The following WNK1 variants were observed in gnomAD, a reference collection of about 807,000 sequenced individuals.
WNK1 encodes WNK lysine deficient protein kinase 1, also known as serine/threonine-protein kinase WNK1.
WNK1 carries 38 observed loss-of-function variants against 222.8 expected under a neutral mutation model. The ratio of observed to expected loss-of-function variants is 0.17; its 90% confidence interval spans 0.13 to 0.22. The LOEUF (loss-of-function observed/expected upper bound fraction) is 0.22, where lower values mean the gene tolerates loss of function less well. Among genes scored for constraint, WNK1 ranks in the 10% least tolerant of loss-of-function variants. The pLI, the probability that WNK1 is intolerant of heterozygous loss-of-function variation, is 1.00. For synonymous variants in WNK1, 1,090 were observed against 1,092.9 expected, an observed-to-expected ratio of 1.00 and a Z score of 0.05; for missense variants, 2,348 against 2,918.4, an observed-to-expected ratio of 0.80 and a Z score of 4.50.
intron 2 of WNK1, among the ~76,000 whole-genome samples, chr12:820,154 G>T (rs1947721787): frequency 6.6e-6 from 1 of 152,124 alleles, no homozygotes; most frequent in Non-Finnish European, 1.5e-5. Context: ...ATTTTGTATA[G>T]TATCACCATC....
rs895488836 is a variant in WNK1, at chr12:753,149, C to T, written c.-417C>T. Reference sequence around the variant, plus strand: ...CCCTCTGGGCCTAGCCCGCCCAGCTCGGCGAGCGGCGGCAGTGGGAGCCGC... The same window carrying T: ...CCCTCTGGGCCTAGCCCGCCCAGCTTGGCGAGCGGCGGCAGTGGGAGCCGC... On this transcript the variant is annotated 5_prime_UTR_variant, in exon 1 of 28. Transcript: ENST00000315939. The surrounding 1 kb of genome is among the most constrained non-coding windows in gnomAD (Gnocchi z 5.2). 5 of 157,886 alleles carry T rather than the reference C, an allele frequency of 3.2e-5. No individual in the cohort carries two copies. The highest frequency in any genetic ancestry group is 1.2e-4 in the African/African-American group (5 of 41,470). 9.8% of individuals were successfully genotyped at this position (157,886 alleles called of 1,614,324 possible).
At chr12:851,644 A>AT (rs1332722025) in intron 4 of WNK1, 1 of 1,293,174 alleles carries the variant, frequency 7.7e-7, no homozygotes, top group East Asian at 5.2e-5. Context: ...CATCAGAGAC[A>AT]TTTTTTCCTT....
chr12:869,154 T>A, intron 8 of WNK1: 1 of 1,599,016 alleles, frequency 6.3e-7, no homozygotes, highest in Non-Finnish European at 8.6e-7. Context: ...CTTTGCACCA[T>A]AACATTTAAA....
At chr12:797,831 C>T (rs1308141639) in intron 1 of WNK1, among the ~76,000 whole-genome samples, 1 of 151,658 alleles carries the variant, frequency 6.6e-6, no homozygotes, top group African/African-American at 2.4e-5. Context: ...CGCCTGTAAT[C>T]TCAGCTACTC....
At chr12:786,158 A>G (rs1486896196) in intron 1 of WNK1, among the ~76,000 whole-genome samples, 1 of 152,168 alleles carries the variant, frequency 6.6e-6, no homozygotes, top group African/African-American at 2.4e-5. Context: ...TGTTAATTGT[A>G]TTGCTTAAAT....
chr12:758,269 C>G (rs529550546), intron 1 of WNK1, among the ~76,000 whole-genome samples: 9 of 143,584 alleles, frequency 6.3e-5, no homozygotes, highest in African/African-American at 2.0e-4. Flanking sequence ...GACTGTGTGT[C>G]ATGAGTACAT....
intron 1 of WNK1, among the ~76,000 whole-genome samples, chr12:810,930 C>T (rs1453637505): frequency 1.3e-5 from 2 of 152,042 alleles, no homozygotes; most frequent in South Asian, 2.1e-4. Context: ...TCATGTGACA[C>T]GGATCCTTGG....
chr12:869,315 T>A, intron 8 of WNK1: 1 of 659,950 alleles, frequency 1.5e-6, no homozygotes, highest in African/African-American at 1.8e-5. Flanking sequence ...ACCTATTATA[T>A]GTGAAAACCA....
At chr12:815,059 G>T (rs974806309) in intron 2 of WNK1, among the ~76,000 whole-genome samples, 3 of 152,170 alleles carry the variant, frequency 2.0e-5, no homozygotes, top group African/African-American at 7.2e-5. Flanking sequence ...AGCTCAGGTG[G>T]TAATGCGAGC....
rs1240505632 is a variant in WNK1 at position 881,754 on chromosome 12, T to TGTG, written c.3174_3175insGTG (p.Ala1058_Thr1059insVal). The TGTG allele has an allele frequency of 6.2e-7, 1 of 1,614,246 alleles. No homozygotes were observed. The highest frequency in any genetic ancestry group is 8.5e-7 in the Non-Finnish European group (1 of 1,180,046). On this transcript the variant is annotated inframe_insertion, in exon 13 of 28. Transcript: ENST00000315939. ...CAGTTGCAGTAGCACAGACCCAAGCTACCCAGCCGACCACTTTGGCTTCCT... is the reference window on the plus strand; with the variant it reads ...CAGTTGCAGTAGCACAGACCCAAGCTGTGACCCAGCCGACCACTTTGGCTTCCT...
Position 909,479 on chromosome 12 carries a change from A to T in WNK1, c.*687A>T, listed in dbSNP as rs1955945716. On this transcript the variant is annotated 3_prime_UTR_variant, in exon 28 of 28. Transcript: ENST00000315939. ...AGTTTTGATGTGGAAACACTGTGAT[A>T]TATAAAATGTTGTTGGACAACAGTA... 6.6e-6 allele frequency: 1 copy of T among 152,278 alleles called. No individual in the cohort carries two copies. Among genetic ancestry groups the T allele is most frequent in the Admixed American group, 6.5e-5 (1 of 15,278 alleles). The allele number at this position is 152,278 out of a possible 1,614,324, so 9.4% of individuals were successfully genotyped here.
At chr12:832,050 T>C (rs1948835945) in intron 4 of WNK1, among the ~76,000 whole-genome samples, 4 of 152,116 alleles carry the variant, frequency 2.6e-5, no homozygotes, top group South Asian at 4.1e-4. Context: ...CTGAACAGAA[T>C]GGAAATGTTT....
At chr12:889,324 G>A in intron 21 of WNK1, 101 bp downstream of exon 21, 1 of 997,258 alleles carries the variant, frequency 1.0e-6, no homozygotes, top group Non-Finnish European at 1.6e-6. Flanking sequence ...CCTTTAACAT[G>A]TATTCAGAGT....
intron 4 of WNK1, among the ~76,000 whole-genome samples, chr12:846,547 A>G (rs949360740): frequency 3.9e-5 from 6 of 152,184 alleles, no homozygotes; most frequent in East Asian, 1.9e-4. Context: ...TTGTTTTCCA[A>G]TGGGATCATA....
rs578185019 is a variant in WNK1, at chr12:759,856, G to C, written c.759+5532G>C. ...TAAAAAAGAGTACCCATTTTATAGA[G>C]TTGTGCTGATTAAATGAATGAACAT... On this transcript the variant is annotated intron_variant, in intron 1 of 27. Coordinates refer to ENST00000315939, the MANE Select transcript of WNK1 (RefSeq NM_018979.4). Among the ~76,000 whole-genome samples the C allele has an allele frequency of 2.7e-5, 4 of 148,114 alleles. 1 individual carries two copies. In the South Asian group the frequency reaches 8.8e-4, roughly 33 times the overall value.
At chr12:879,513 C>G in intron 10 of WNK1, 60 bp from the exon 11 acceptor site, 6 of 403,340 alleles carry the variant, frequency 1.5e-5, no homozygotes, top group South Asian at 3.0e-5. Flanking sequence ...GGCAGCCTTG[C>G]TTTTTTTTTT....
At chr12:837,589 AAAAG>A (rs1330047519) in intron 4 of WNK1, among the ~76,000 whole-genome samples, 7 of 54,998 alleles carry the variant, frequency 1.3e-4, no homozygotes, top group Non-Finnish European at 2.7e-4. Flanking sequence ...AAAAAAAAAA[AAAAG>A]AAAAGAAAAG....
rs1060499 is a variant in WNK1, at chr12:911,100, T to C, written c.*2308T>C. On this transcript the variant is annotated 3_prime_UTR_variant, in exon 28 of 28. Transcript: ENST00000315939. ...ACAAAAAAAGTCAGAACTGGTGTTATTTACTGTTGATTTCATCCTCCTGTG... is the reference window on the plus strand; with the variant it reads ...ACAAAAAAAGTCAGAACTGGTGTTACTTACTGTTGATTTCATCCTCCTGTG... 0.15 allele frequency: 57,286 copies of C among 392,864 alleles called. 4,655 individuals are homozygous for C. Among genetic ancestry groups the C allele is most frequent in the Middle Eastern group, 0.23 (359 of 1,560 alleles). The allele number at this position is 392,864 out of a possible 1,614,324, so 24.3% of individuals were successfully genotyped here. A position where few individuals can be genotyped will look rare whatever the true frequency, so the allele number is the denominator to read the frequency against.
At chr12:793,251 T>C (rs1207672280) in intron 1 of WNK1, among the ~76,000 whole-genome samples, 1 of 152,208 alleles carries the variant, frequency 6.6e-6, no homozygotes, top group Non-Finnish European at 1.5e-5. Context: ...CTGTAGTTTT[T>C]AGAATCATTG....
Sources: allele counts gnomAD v4.1 joint callset (sites outside exome capture counted in the v4.1 genomes callset), GRCh38; gene constraint gnomAD v4.1.1; non-coding constraint Gnocchi (gnomAD v3.1); transcripts MANE v1.5; gene names NCBI Gene and HGNC (gene_info 2026-07-23, HGNC 2026-07-21).